Variants in L3MBTL4 observed in about 807,000 individuals in gnomAD.
The protein encoded by L3MBTL4 is L3MBTL histone methyl-lysine binding protein 4, also known as lethal(3)malignant brain tumor-like protein 4.
L3MBTL4 carries 70 observed loss-of-function variants against 84.5 expected under a neutral mutation model. The observed-to-expected ratio is 0.83, with a 90% CI of 0.68 to 1.01. The LOEUF (loss-of-function observed/expected upper bound fraction) is 1.01, where lower values mean the gene tolerates loss of function less well. L3MBTL4 is among the 50% of genes least tolerant of loss of function. The probability of loss-of-function intolerance (pLI) is 0.00; values close to 1 mark genes in which losing one functional copy is unlikely to be tolerated. For synonymous variants in L3MBTL4, 274 were observed against 259.8 expected (o/e 1.05, Z -0.52); for missense variants, 715 against 754.8 (o/e 0.95, Z 0.62).
At chr18:6,286,799 T>G (rs1006509618) in intron 4 of L3MBTL4, among the ~76,000 whole-genome samples, 1 of 152,092 alleles carries the variant, frequency 6.6e-6, no homozygotes, top group Admixed American at 6.5e-5. Context: ...TGAGTCTCTC[T>G]TAGGCTGAAC....
chr18:6,316,626 G>A (rs1374892009), intron 1 of L3MBTL4, among the ~76,000 whole-genome samples: 1 of 152,130 alleles, frequency 6.6e-6, no homozygotes, highest in Non-Finnish European at 1.5e-5. Context: ...GTGCCCTCCA[G>A]ATTCAGGCTT....
chr18:6,138,402 A>G (rs772492377), intron 13 of L3MBTL4, 106 bp from the exon 14 acceptor site: 46 of 683,718 alleles, frequency 6.7e-5, no homozygotes, highest in Middle Eastern at 2.5e-4. Flanking sequence ...TTAAAAACAA[A>G]CCATCACCAA....
intron 16 of L3MBTL4, among the ~76,000 whole-genome samples, chr18:6,017,070 CG>C (rs1285213277): frequency 1.3e-5 from 2 of 152,142 alleles, no homozygotes; most frequent in African/African-American, 4.8e-5. Flanking sequence ...CCCTGGAGCC[CG>C]TGGTCATGAG....
At chr18:6,110,472 ATGGG>A (rs1383770054) in intron 14 of L3MBTL4, among the ~76,000 whole-genome samples, 2 of 150,254 alleles carry the variant, frequency 1.3e-5, no homozygotes, top group Admixed American at 6.6e-5. Context: ...TATGTGTGGC[ATGGG>A]TGGGTGGGTG....
chr18:6,042,356 CAT>C (rs2056442321), intron 16 of L3MBTL4, among the ~76,000 whole-genome samples: 1 of 152,060 alleles, frequency 6.6e-6, no homozygotes, highest in African/African-American at 2.4e-5. Flanking sequence ...TACACACACA[CAT>C]ACGTGCACAC....
intron 15 of L3MBTL4, among the ~76,000 whole-genome samples, chr18:6,088,222 C>T (rs1026246558): frequency 1.3e-5 from 2 of 152,078 alleles, no homozygotes; most frequent in Middle Eastern, 3.2e-3. Context: ...TAGGACTGGC[C>T]TTAGCAAGGA....
intron 4 of L3MBTL4, among the ~76,000 whole-genome samples, chr18:6,295,346 C>CTCTCTCTATATATATATATA (rs1261475809): frequency 3.7e-5 from 3 of 81,388 alleles, no homozygotes; most frequent in African/African-American, 2.0e-4. Flanking sequence ...CTCTCTCTCT[C>CTCTCTCTATATATATATATA]TATATATATA....
At chr18:6,211,208 T>C (rs1025882094) in intron 12 of L3MBTL4, among the ~76,000 whole-genome samples, 17 of 152,308 alleles carry the variant, frequency 1.1e-4, no homozygotes, top group East Asian at 5.8e-4. Flanking sequence ...AGAGTAATTA[T>C]GAAAATATTT....
intron 12 of L3MBTL4, among the ~76,000 whole-genome samples, chr18:6,208,634 A>C (rs1340056193): frequency 1.3e-5 from 2 of 152,204 alleles, no homozygotes; most frequent in Non-Finnish European, 2.9e-5. Context: ...TAATGGCTAA[A>C]CTTCCTAAAA....
chr18:5,972,791 T>C (rs921465880), intron 16 of L3MBTL4, among the ~76,000 whole-genome samples: 14 of 152,042 alleles, frequency 9.2e-5, no homozygotes, highest in Non-Finnish European at 1.5e-4. Flanking sequence ...ATTAGGTACT[T>C]AATTTCTACA....
At chr18:6,306,198 A>G (rs908726573) in intron 3 of L3MBTL4, among the ~76,000 whole-genome samples, 6 of 152,222 alleles carry the variant, frequency 3.9e-5, no homozygotes, top group Non-Finnish European at 5.9e-5. Context: ...CTCTGATCCA[A>G]TGTGGGATAT....
At chr18:6,115,390 T>C (rs1447089877) in intron 14 of L3MBTL4, among the ~76,000 whole-genome samples, 1 of 152,170 alleles carries the variant, frequency 6.6e-6, no homozygotes, top group Non-Finnish European at 1.5e-5. Context: ...ATAATCAGAA[T>C]CTATTGACAA....
chr18:6,409,859 C>T (rs1367242257), intron 1 of L3MBTL4, among the ~76,000 whole-genome samples: 2 of 152,156 alleles, frequency 1.3e-5, no homozygotes, highest in Non-Finnish European at 2.9e-5. Context: ...TCTCCCCAGT[C>T]TTCCCCATCT....
chr18:6,009,811 T>C (rs2054654602), intron 16 of L3MBTL4, among the ~76,000 whole-genome samples: 1 of 152,244 alleles, frequency 6.6e-6, no homozygotes. Context: ...AACGGCTTCC[T>C]GTAAATGTGT....
At chr18:6,277,704 C>T (rs946998145) in intron 4 of L3MBTL4, among the ~76,000 whole-genome samples, 2 of 152,120 alleles carry the variant, frequency 1.3e-5, no homozygotes, top group Admixed American at 1.3e-4. Flanking sequence ...AGGCCCTTCC[C>T]ATGTCTTATT....
chr18:6,128,571 A>C (rs2059776021), intron 14 of L3MBTL4, among the ~76,000 whole-genome samples: 1 of 152,154 alleles, frequency 6.6e-6, no homozygotes. Context: ...CTCAACAACA[A>C]AACGGTAAAC....
chr18:6,063,881 T>C (rs896055979), intron 16 of L3MBTL4, among the ~76,000 whole-genome samples: 1 of 152,112 alleles, frequency 6.6e-6, no homozygotes, highest in African/African-American at 2.4e-5. Flanking sequence ...TTTATTTATT[T>C]TTGTTTTTGC....
chr18:6,034,376 C>T (rs1377529157), intron 16 of L3MBTL4, among the ~76,000 whole-genome samples: 1 of 152,086 alleles, frequency 6.6e-6, no homozygotes, highest in Non-Finnish European at 1.5e-5. Context: ...CAATTCCCAC[C>T]TATGAGTAAG....
At chr18:6,036,706 T>G (rs1315559486) in intron 16 of L3MBTL4, among the ~76,000 whole-genome samples, 4 of 152,222 alleles carry the variant, frequency 2.6e-5, no homozygotes, top group Non-Finnish European at 4.4e-5. Context: ...AACTGAGCAT[T>G]TAAATCTAAA....
Sources: gnomAD v4.1 joint callset for allele counts (sites outside exome capture counted in the v4.1 genomes callset) on GRCh38, gnomAD v4.1.1 for gene constraint, MANE v1.5 for transcripts, NCBI Gene and HGNC (gene_info 2026-07-23, HGNC 2026-07-21) for gene names.